The following COL25A1 variants were observed in gnomAD, a reference collection of about 807,000 sequenced individuals.
COL25A1 encodes the protein collagen type XXV alpha 1 chain.
COL25A1 carries 103 observed loss-of-function variants against 128.4 expected under a neutral mutation model. That is an observed-to-expected ratio of 0.80 (90% CI 0.68 to 0.94). COL25A1 has a LOEUF of 0.94. Among genes scored for constraint, COL25A1 ranks in the 40% least tolerant of loss-of-function variants. The pLI is 0.00. For synonymous variants in COL25A1, 279 were observed against 277.2 expected, an observed-to-expected ratio of 1.01 and a Z score of -0.06; for missense variants, 745 against 840.0, an observed-to-expected ratio of 0.89 and a Z score of 1.40.
chr4:109,254,505 A>ATATATG lies in COL25A1; in HGVS notation c.367+46077_367+46078insCATATA, dbSNP rs1383703429. On this transcript the variant is annotated intron_variant, in intron 3 of 37. Coordinates refer to ENST00000399132, the MANE Select transcript of COL25A1 (RefSeq NM_198721.4). ...TATATATATATATATATATATATATATGTATGTGTGTATATACATATACAT... is the reference window on the plus strand; with the variant it reads ...TATATATATATATATATATATATATATATATGTGTATGTGTGTATATACATATACAT... Among the ~76,000 whole-genome samples the ATATATG allele has an allele frequency of 8.1e-3, 848 of 104,952 alleles. 31 individuals carry two copies. Among genetic ancestry groups the ATATATG allele is most frequent in the Non-Finnish European group, 0.012 (639 of 51,840 alleles). The allele number at this position is 104,952 out of a possible 152,430, so 68.9% of individuals were successfully genotyped here.
intron 3 of COL25A1, among the ~76,000 whole-genome samples, chr4:109,283,511 C>A (rs1159300114): frequency 6.6e-6 from 1 of 152,146 alleles, no homozygotes; most frequent in Non-Finnish European, 1.5e-5. Context: ...GATCCTCCCA[C>A]CTAGGCATCC....
chr4:108,967,801 C>T (rs1751486715), intron 8 of COL25A1, among the ~76,000 whole-genome samples: 2 of 152,152 alleles, frequency 1.3e-5, no homozygotes, highest in Non-Finnish European at 2.9e-5. Flanking sequence ...GTCCAACTTT[C>T]TTATTCAACC....
At chr4:108,985,264 C>T (rs1753556367) in intron 6 of COL25A1, among the ~76,000 whole-genome samples, 1 of 152,190 alleles carries the variant, frequency 6.6e-6, no homozygotes, top group Admixed American at 6.5e-5. Context: ...AGCCTTGCCC[C>T]AGTTACTCTT....
Position 109,301,879 on chromosome 4 carries a change from C to T in COL25A1, c.141G>A (p.Val47=), listed in dbSNP as rs777970580. The T allele has an allele frequency of 3.1e-6, 5 of 1,614,208 alleles. No individual in the cohort carries two copies. The East Asian group carries it at 8.9e-5, about 29-fold the overall frequency. The change falls in exon 2 of 38, where the codon GTG becomes GTA. Residue 47 remains valine, a synonymous_variant. Coordinates refer to ENST00000399132, the MANE Select transcript of COL25A1 (RefSeq NM_198721.4). ...TTTTCACACCCAGGTACAGGCAAGA[C>T]ACCACGGCCACCACTGACAGGAGGG... is the stretch of plus-strand genomic sequence containing the variant. ...LAALLSVVAV[V]SCLYLGVKTN...
Position 109,243,115 on chromosome 4 carries a change from A to G in COL25A1, c.367+57468T>C, listed in dbSNP as rs115015321. ...TTCTAGGTAGATTTCAGTGTTTCTA[A>G]AAACTTTCGTTTCTTAATATTAAAC... On this transcript the variant is annotated intron_variant, in intron 3 of 37. Transcript: ENST00000399132. Among the ~76,000 whole-genome samples the G allele has an allele frequency of 2.5e-3, 377 of 152,258 alleles. 4 individuals carry two copies. The highest frequency in any genetic ancestry group is 8.9e-3 in the African/African-American group (369 of 41,568).
intron 31 of COL25A1, among the ~76,000 whole-genome samples, chr4:108,837,424 C>A (rs1156392109): frequency 1.3e-5 from 2 of 152,110 alleles, no homozygotes; most frequent in African/African-American, 4.8e-5. Flanking sequence ...TTAAAAAAAT[C>A]TCCATTTAGT....
chr4:108,944,998 C>A (rs896264841), intron 8 of COL25A1, among the ~76,000 whole-genome samples: 9 of 152,104 alleles, frequency 5.9e-5, no homozygotes, highest in African/African-American at 1.9e-4. Context: ...TATATTCTAA[C>A]AAAAATCCCA....
rs972381833 is a variant in COL25A1 at position 108,827,129 on chromosome 4, A to G, written c.1764+6T>C. ...GGTGGGGAGGTGCATGTGACCAGGA[A>G]CTCACAGGCAGCCCATAGGGCCCTC... On this transcript the variant is annotated splice_donor_region_variant and intron_variant, in intron 33 of 37. Transcript: ENST00000399132. The G allele has an allele frequency of 6.2e-7, 1 of 1,612,664 alleles. No individual in the cohort carries two copies. The highest frequency in any genetic ancestry group is 1.3e-5 in the African/African-American group (1 of 74,824).
intron 3 of COL25A1, among the ~76,000 whole-genome samples, chr4:109,068,378 T>C (rs1762636278): frequency 6.7e-6 from 1 of 148,420 alleles, no homozygotes; most frequent in African/African-American, 2.5e-5. Flanking sequence ...ACAGCCAGAC[T>C]GAAAGGGAGG....
Position 108,940,552 on chromosome 4 carries a change from A to T in COL25A1, c.659T>A (p.Met220Lys), listed in dbSNP as rs764113114. 3.3e-5 allele frequency: 53 copies of T among 1,613,848 alleles called. No homozygotes were observed. The South Asian group carries it at 5.5e-4, about 17-fold the overall frequency. ...GDTGKDGPRG[M>K]PGVPGEPGKP... is the part of the protein sequence containing the mutation. ...AAAGCGACTCACGGGTACTCCTGGCATTCCACGGGGGCCATCTTTCCCTGT... is the reference window on the plus strand; with the variant it reads ...AAAGCGACTCACGGGTACTCCTGGCTTTCCACGGGGGCCATCTTTCCCTGT... Residue 220 changes from methionine (M) to lysine (K), a missense_variant, in exon 10 of 38, where the codon ATG (methionine) becomes AAG (lysine). Transcript: ENST00000399132.
intron 3 of COL25A1, among the ~76,000 whole-genome samples, chr4:109,145,576 C>T (rs1245878132): frequency 2.0e-5 from 3 of 152,278 alleles, no homozygotes; most frequent in South Asian, 2.1e-4. Flanking sequence ...CAATGGCTCA[C>T]GCCTGCAATC....
chr4:109,165,855 A>G (rs147330239), intron 3 of COL25A1, among the ~76,000 whole-genome samples: 1 of 152,218 alleles, frequency 6.6e-6, no homozygotes, highest in Admixed American at 6.5e-5. Context: ...CATTAAGTAC[A>G]GTTTCTAACT....
chr4:109,175,578 T>G (rs1168736086), intron 3 of COL25A1, among the ~76,000 whole-genome samples: 2 of 152,356 alleles, frequency 1.3e-5, no homozygotes, highest in Admixed American at 1.3e-4. Context: ...TCTCTACTGG[T>G]ACATTAAGTC....
chr4:109,003,694 T>C (rs10050083), intron 6 of COL25A1, among the ~76,000 whole-genome samples: 120,637 of 151,718 alleles, frequency 0.8, 49,121 homozygotes, highest in East Asian at 1. Context: ...CCAGCTACTC[T>C]GGAGGCTGAC....
At chr4:109,126,275 CTTACT>C (rs1242524224) in intron 3 of COL25A1, among the ~76,000 whole-genome samples, 1 of 152,060 alleles carries the variant, frequency 6.6e-6, no homozygotes, top group Admixed American at 6.6e-5. Context: ...AGATTATTAA[CTTACT>C]TTATTTTGTA....
intron 11 of COL25A1, among the ~76,000 whole-genome samples, chr4:108,932,166 C>G (rs1413184920): frequency 6.6e-6 from 1 of 152,090 alleles, no homozygotes; most frequent in Non-Finnish European, 1.5e-5. Context: ...GATCAAAGCA[C>G]AGTGAAGGAA....
intron 11 of COL25A1, among the ~76,000 whole-genome samples, chr4:108,930,566 C>A (rs1156553208): frequency 6.6e-6 from 1 of 152,198 alleles, no homozygotes; most frequent in Non-Finnish European, 1.5e-5. Context: ...GTCCTGTGAG[C>A]ATTCAAGAAC....
At chr4:109,118,641 A>G (rs1460050577) in intron 3 of COL25A1, among the ~76,000 whole-genome samples, 3 of 151,934 alleles carry the variant, frequency 2.0e-5, no homozygotes, top group African/African-American at 7.2e-5. Context: ...AGAGTTTTAC[A>G]TAATAATAAT....
intron 3 of COL25A1, among the ~76,000 whole-genome samples, chr4:109,250,369 T>TACACACACACAAACACACACACACAC: frequency 7.4e-6 from 1 of 134,866 alleles, no homozygotes; most frequent in East Asian, 2.3e-4. Context: ...AAGTAGGAGA[T>TACACACACACAAACACACACACACAC]ACACACACAC....
Sources: gnomAD v4.1 joint callset for allele counts (sites outside exome capture counted in the v4.1 genomes callset) on GRCh38, gnomAD v4.1.1 for gene constraint, MANE v1.5 for transcripts, NCBI Gene and HGNC (gene_info 2026-07-23, HGNC 2026-07-21) for gene names.